Variants in PTPRC observed in about 807,000 individuals in gnomAD.
PTPRC encodes the protein receptor-type tyrosine-protein phosphatase C.
Under a neutral mutation model 155.9 loss-of-function variants are expected in PTPRC, and 44 were observed. That is an observed-to-expected ratio of 0.28 (90% CI 0.22 to 0.36). PTPRC has a LOEUF of 0.36. Ranked by LOEUF, PTPRC falls within the 10% of genes least tolerant of loss-of-function variation. The pLI is 1.00. For synonymous variants in PTPRC, 525 were observed against 533.1 expected, an observed-to-expected ratio of 0.98 and a Z score of 0.21; for missense variants, 1,401 against 1,564.6, an observed-to-expected ratio of 0.90 and a Z score of 1.76.
intron 17 of PTPRC, among the ~76,000 whole-genome samples, chr1:198,730,142 C>A (rs1654321922): frequency 6.6e-6 from 1 of 151,904 alleles, no homozygotes; most frequent in South Asian, 2.1e-4. Context: ...GAAATTGAAC[C>A]TTTGTTTACA....
intron 4 of PTPRC, among the ~76,000 whole-genome samples, chr1:198,699,249 C>CT (rs1174299119): frequency 6.6e-6 from 1 of 152,152 alleles, no homozygotes; most frequent in Non-Finnish European, 1.5e-5. Flanking sequence ...AATGTCCCAT[C>CT]TGTCAGTTTG....
chr1:198,660,454 A>C (rs1424014565), intron 2 of PTPRC, among the ~76,000 whole-genome samples: 1 of 148,594 alleles, frequency 6.7e-6, no homozygotes, highest in South Asian at 2.2e-4. Flanking sequence ...GAAATATGTA[A>C]TTTACATAAA....
chr1:198,726,362 A>G (rs1431178496), intron 15 of PTPRC, among the ~76,000 whole-genome samples: 4 of 152,206 alleles, frequency 2.6e-5, no homozygotes. Context: ...CTATTGCAAT[A>G]AGAACTTCTT....
intron 2 of PTPRC, among the ~76,000 whole-genome samples, chr1:198,641,567 G>T (rs1272955294): frequency 3.9e-5 from 6 of 152,172 alleles, no homozygotes; most frequent in African/African-American, 1.4e-4. Context: ...ACCAGGCAGG[G>T]TTCAGTTTTA....
At chr1:198,719,924 A>T (rs1281219077) in intron 14 of PTPRC, among the ~76,000 whole-genome samples, 1 of 152,014 alleles carries the variant, frequency 6.6e-6, no homozygotes, top group Non-Finnish European at 1.5e-5. Context: ...ATTCTTTATC[A>T]CTTAAAGAAG....
chr1:198,738,096 G>A (rs1461634196), intron 23 of PTPRC, among the ~76,000 whole-genome samples: 1 of 151,732 alleles, frequency 6.6e-6, no homozygotes, highest in South Asian at 2.1e-4. Flanking sequence ...ATAATGGAAT[G>A]TGCAAACAAG....
chr1:198,684,944 T>C (rs1665536742), intron 2 of PTPRC, among the ~76,000 whole-genome samples: 1 of 152,046 alleles, frequency 6.6e-6, no homozygotes, highest in South Asian at 2.1e-4. Context: ...AAGGCCTCAA[T>C]AAAGGGATGT....
At chr1:198,723,132 T>A (rs979139328) in intron 15 of PTPRC, among the ~76,000 whole-genome samples, 3 of 149,758 alleles carry the variant, frequency 2.0e-5, no homozygotes, top group Admixed American at 6.7e-5. Flanking sequence ...TATATATATA[T>A]AAACAATATT....
chr1:198,652,315 G>A (rs1663296905), intron 2 of PTPRC, among the ~76,000 whole-genome samples: 1 of 151,684 alleles, frequency 6.6e-6, no homozygotes, highest in African/African-American at 2.4e-5. Flanking sequence ...GGGGAAGGGG[G>A]AAGAGATTGA....
chr1:198,706,831 A>G lies in PTPRC; in HGVS notation c.783A>G (p.Gly261=). 1 of 1,613,396 alleles carries G rather than the reference A, an allele frequency of 6.2e-7. No individual in the cohort carries two copies. Among genetic ancestry groups the G allele is most frequent in the East Asian group, 2.2e-5 (1 of 44,824 alleles). ...KLNVNENVEC[G]NNTCTNNEVH... The stretch of plus-strand genomic sequence containing the variant: ...ATGTTAATGAGAATGTGGAATGTGG[A>G]AACAATACTTGCACAAACAATGAGG... Residue 261 remains glycine (G), a synonymous_variant, in exon 9 of 33, where the codon GGA becomes GGG. Coordinates refer to ENST00000442510, the MANE Select transcript of PTPRC (RefSeq NM_002838.5).
chr1:198,677,396 T>C (rs1239800320), intron 2 of PTPRC, among the ~76,000 whole-genome samples: 1 of 152,182 alleles, frequency 6.6e-6, no homozygotes, highest in Non-Finnish European at 1.5e-5. Context: ...ACATCTTGCT[T>C]TTCAGCCAGG....
chr1:198,751,645 T>A (rs561799962), intron 29 of PTPRC, among the ~76,000 whole-genome samples: 5 of 152,196 alleles, frequency 3.3e-5, no homozygotes, highest in African/African-American at 1.2e-4. Context: ...CCGGCAGGAC[T>A]CCCTGTCTTT....
intron 23 of PTPRC, among the ~76,000 whole-genome samples, chr1:198,738,808 T>G (rs1194294153): frequency 6.6e-6 from 1 of 151,740 alleles, no homozygotes; most frequent in African/African-American, 2.4e-5. Flanking sequence ...AAACTTTTCA[T>G]GACAACCTCC....
rs1325256245 is a variant in PTPRC, at chr1:198,749,448, C to G, written c.2971C>G (p.Leu991Val). 6.2e-7 allele frequency: 1 copy of G among 1,609,718 alleles called. No individual in the cohort carries two copies. Among genetic ancestry groups the G allele is most frequent in the Non-Finnish European group, 8.5e-7 (1 of 1,177,154 alleles). ...DYNRVPLKHE[L>V]EMSKESEHDS... The stretch of plus-strand genomic sequence containing the variant: ...TAACAGAGTGCCACTTAAACATGAG[C>G]TGGAAATGAGTAAAGAGAGTGAGCA... The change falls in exon 28 of 33, where the codon CTG (leucine) becomes GTG (valine). Residue 991 changes from leucine to valine, a missense_variant. By Grantham distance (32) the Leu-to-Val change is conservative. Coordinates refer to ENST00000442510, the MANE Select transcript of PTPRC (RefSeq NM_002838.5).
At chr1:198,729,071 A>C (rs941871497) in intron 16 of PTPRC, 66 bp from the exon 17 acceptor site, 31 of 1,547,860 alleles carry the variant, frequency 2.0e-5, no homozygotes, top group Non-Finnish European at 2.7e-5. Flanking sequence ...ATTAAATATA[A>C]GTAAAATACC....
intron 2 of PTPRC, among the ~76,000 whole-genome samples, chr1:198,641,502 A>G (rs1434991575): frequency 6.6e-6 from 1 of 152,052 alleles, no homozygotes; most frequent in Admixed American, 6.6e-5. Flanking sequence ...TATTTTATTT[A>G]ATATCTAAAA....
chr1:198,756,172 A>T lies in PTPRC; in HGVS notation c.3912A>T (p.Gln1304His), dbSNP rs1396534448. 3.7e-6 allele frequency: 6 copies of T among 1,613,146 alleles called. No homozygotes were observed. The East Asian group carries it at 1.1e-4, about 30-fold the overall frequency. The part of the protein sequence containing the change: ...VNGPASPALN[Q>H]GS Reference sequence around the variant, plus strand: ...GTCCTGCAAGTCCAGCTTTAAATCAAGGTTCATAGGAAAAGACATAAATGA... The same window carrying T: ...GTCCTGCAAGTCCAGCTTTAAATCATGGTTCATAGGAAAAGACATAAATGA... Residue 1304 changes from glutamine to histidine, a missense_variant, in exon 33 of 33, where the codon CAA becomes CAT. Physicochemically the swap from Gln to His is conservative, Grantham distance 24. Transcript: ENST00000442510.
At chr1:198,639,428 G>A in intron 2 of PTPRC, 87 bp downstream of exon 2, 2 of 1,079,114 alleles carry the variant, frequency 1.9e-6, no homozygotes, top group Non-Finnish European at 2.7e-6. Context: ...ATTTAAATGT[G>A]TTGGTAACTG....
At chr1:198,645,151 T>C (rs1229846346) in intron 2 of PTPRC, among the ~76,000 whole-genome samples, 1 of 151,808 alleles carries the variant, frequency 6.6e-6, no homozygotes, top group African/African-American at 2.4e-5. Flanking sequence ...TATGAACAGC[T>C]GGTATAGCAA....
Sources: gnomAD v4.1 joint callset for allele counts (sites outside exome capture counted in the v4.1 genomes callset) on GRCh38, gnomAD v4.1.1 for gene constraint, MANE v1.5 for transcripts, NCBI Gene and HGNC (gene_info 2026-07-23, HGNC 2026-07-21) for gene names.